The following CALU variants were observed in gnomAD, a reference collection of about 807,000 sequenced individuals.
CALU encodes IEF SSP 9302.
CALU carries 13 observed loss-of-function variants against 37.5 expected under a neutral mutation model. The observed-to-expected ratio is 0.35, with a 90% CI of 0.23 to 0.55. The LOEUF (loss-of-function observed/expected upper bound fraction) is 0.55. CALU is among the 20% of genes least tolerant of loss of function. The probability of loss-of-function intolerance (pLI) is 0.89; values close to 1 mark genes in which losing one functional copy is unlikely to be tolerated. For synonymous variants in CALU, 114 were observed against 133.8 expected, an observed-to-expected ratio of 0.85 and a Z score of 1.02; for missense variants, 282 against 391.7, an observed-to-expected ratio of 0.72 and a Z score of 2.36.
chr7:128,773,293 T>G lies in CALU; in HGVS notation c.*4126T>G, dbSNP rs1341354989. On this transcript the variant is annotated 3_prime_UTR_variant, in exon 7 of 7. Coordinates refer to ENST00000249364, the MANE Select transcript of CALU (RefSeq NM_001219.5). ...AGTTTTTATTTTTATTTTTTTAATTTTATTTAAGTTCCAGGATACATGTGC... is the reference window on the plus strand; with the variant it reads ...AGTTTTTATTTTTATTTTTTTAATTGTATTTAAGTTCCAGGATACATGTGC... Among the ~76,000 whole-genome samples the G allele has an allele frequency of 6.6e-6, 1 of 152,198 alleles. No individual in the cohort carries two copies. The highest frequency in any genetic ancestry group is 1.5e-5 in the Non-Finnish European group (1 of 68,044).
At chr7:128,758,058 C>G (rs1056867364) in intron 3 of CALU, among the ~76,000 whole-genome samples, 34 of 152,080 alleles carry the variant, frequency 2.2e-4, no homozygotes, top group African/African-American at 8.0e-4. Flanking sequence ...CATTACCCCC[C>G]CAACATTTCC....
rs747893450 is a variant in CALU, at chr7:128,758,896, T to A, written c.441T>A (p.Phe147Leu). 6.2e-7 allele frequency: 1 copy of A among 1,613,538 alleles called. No homozygotes were observed. Among genetic ancestry groups the A allele is most frequent in the South Asian group, 1.1e-5 (1 of 90,970 alleles). ...ATGATCCAGATCCTGATGATGGATTTAACTATAAACAGATGATGGTTAGAG... is the reference window on the plus strand; with the variant it reads ...ATGATCCAGATCCTGATGATGGATTAAACTATAAACAGATGATGGTTAGAG... ...VLDDPDPDDG[F>L]NYKQMMVRDE... The change falls in exon 4 of 7, where the codon TTT becomes TTA. Residue 147 changes from phenylalanine (F) to leucine (L), a missense_variant. Phe to Leu is a conservative substitution (Grantham distance 22). Transcript: ENST00000249364.
intron 3 of CALU, 135 bp from the exon 4 acceptor site, chr7:128,758,736 C>A: frequency 1.6e-6 from 1 of 642,754 alleles, no homozygotes. Flanking sequence ...CTTTGTACTG[C>A]TGCAGTTTTA....
At chr7:128,752,302 G>T (rs1434075622) in intron 2 of CALU, among the ~76,000 whole-genome samples, 3 of 152,114 alleles carry the variant, frequency 2.0e-5, no homozygotes, top group Non-Finnish European at 4.4e-5. Flanking sequence ...CAACCCCTAG[G>T]TTAAACCATT....
intron 6 of CALU, among the ~76,000 whole-genome samples, 159 bp from the exon 7 acceptor site, chr7:128,768,904 G>T (rs536646896): frequency 6.8e-6 from 1 of 146,928 alleles, no homozygotes; most frequent in Non-Finnish European, 1.5e-5. Flanking sequence ...TTCCCTCTTC[G>T]TATGTATGTA....
intron 5 of CALU, among the ~76,000 whole-genome samples, chr7:128,761,860 A>G (rs1228696688): frequency 6.6e-6 from 1 of 152,336 alleles, no homozygotes; most frequent in Middle Eastern, 3.4e-3. Flanking sequence ...ATTAAACTGT[A>G]TGGAGCAAGT....
At chr7:128,764,836 T>C (rs941765238) in intron 5 of CALU, among the ~76,000 whole-genome samples, 4 of 152,156 alleles carry the variant, frequency 2.6e-5, no homozygotes, top group African/African-American at 7.2e-5. Context: ...ATACTACTTA[T>C]CAGTCACCAC....
intron 1 of CALU, chr7:128,748,252 T>C (rs1422638636): frequency 3.0e-5 from 23 of 779,330 alleles, no homozygotes; most frequent in Non-Finnish European, 4.2e-5. Flanking sequence ...CTTTTAATTC[T>C]TATGAACTTG....
intron 6 of CALU, among the ~76,000 whole-genome samples, chr7:128,768,847 C>CAAAAAAAAAAGAAA (rs1801433814): frequency 1.8e-5 from 1 of 55,166 alleles, no homozygotes; most frequent in Non-Finnish European, 3.2e-5. Flanking sequence ...AACTCCGTCT[C>CAAAAAAAAAAGAAA]AAAAAAAAAA....
chr7:128,745,538 C>T (rs1800398629), intron 1 of CALU, among the ~76,000 whole-genome samples: 1 of 151,990 alleles, frequency 6.6e-6, no homozygotes, highest in African/African-American at 2.4e-5. Flanking sequence ...CCCAGAGGAC[C>T]AGACTGCAGT....
At chr7:128,753,076 C>A (rs921889368) in intron 2 of CALU, among the ~76,000 whole-genome samples, 1 of 152,196 alleles carries the variant, frequency 6.6e-6, no homozygotes, top group African/African-American at 2.4e-5. Flanking sequence ...TAGTTACTTA[C>A]AGGATTTAAG....
At chr7:128,764,075 T>G (rs1398786822) in intron 5 of CALU, among the ~76,000 whole-genome samples, 2 of 152,218 alleles carry the variant, frequency 1.3e-5, no homozygotes, top group African/African-American at 4.8e-5. Context: ...CATTCCCTTA[T>G]GTGTTTTAAA....
Position 128,771,428 on chromosome 7 carries a change from A to G in CALU, c.*2261A>G, listed in dbSNP as rs1175733580. 3 of 152,656 alleles carry G rather than the reference A, an allele frequency of 2.0e-5. No homozygotes were observed. Among genetic ancestry groups the G allele is most frequent in the African/African-American group, 7.2e-5 (3 of 41,456 alleles). 9.5% of individuals were successfully genotyped at this position (152,656 alleles called of 1,614,324 possible). On this transcript the variant is annotated 3_prime_UTR_variant, in exon 7 of 7. Transcript: ENST00000249364. ...TGTAAACCAAGTTTTATATTCTGCA[A>G]TGCGAACAGGTACCTATCTGTTTCT...
At position 128,772,708 on chromosome 7, in the gene CALU, T is replaced by C; in HGVS notation, c.*3541T>C. On this transcript the variant is annotated 3_prime_UTR_variant, in exon 7 of 7. Transcript: ENST00000249364. ...GATAACCTTGGCAGATGAGGAAGTA[T>C]GGGAAAAAAGACCTTATTCTCTGTA... 1 of 1,613,142 alleles carries C rather than the reference T, an allele frequency of 6.2e-7. No homozygotes were observed. Among genetic ancestry groups the C allele is most frequent in the Non-Finnish European group, 8.5e-7 (1 of 1,179,206 alleles).
chr7:128,757,667 A>G (rs1800941908), intron 3 of CALU, among the ~76,000 whole-genome samples: 1 of 152,080 alleles, frequency 6.6e-6, no homozygotes, highest in African/African-American at 2.4e-5. Flanking sequence ...ATAATTTCTT[A>G]CCATTAATGT....
intron 1 of CALU, among the ~76,000 whole-genome samples, chr7:128,744,642 A>T (rs1800364331): frequency 6.6e-6 from 1 of 152,212 alleles, no homozygotes; most frequent in South Asian, 2.1e-4. Flanking sequence ...AATAGTAAGG[A>T]AGCCAGGTTT....
intron 5 of CALU, among the ~76,000 whole-genome samples, chr7:128,766,766 T>C (rs1455319006): frequency 2.0e-5 from 3 of 152,164 alleles, no homozygotes; most frequent in Non-Finnish European, 2.9e-5. Flanking sequence ...CAGACACTAG[T>C]ATTTCTAATT....
At chr7:128,757,166 A>G (rs1800916300) in intron 3 of CALU, among the ~76,000 whole-genome samples, 1 of 152,050 alleles carries the variant, frequency 6.6e-6, no homozygotes. Context: ...GAGTCCAGTC[A>G]CCATTTTTAC....
chr7:128,748,628 C>G lies in CALU; in HGVS notation c.45C>G (p.Ala15=), dbSNP rs748749863. ...QFLMCLSLCT[A]FALSKPTEKK... is the part of the protein sequence containing the mutation. ...TTATGTGCCTGTCCCTGTGCACAGCCTTTGCCTTGAGCAAACCCACAGAAA... is the reference window on the plus strand; with the variant it reads ...TTATGTGCCTGTCCCTGTGCACAGCGTTTGCCTTGAGCAAACCCACAGAAA... Residue 15 remains alanine (A), a synonymous_variant, in exon 2 of 7, where the codon GCC becomes GCG. Transcript: ENST00000249364. The G allele has an allele frequency of 6.2e-7, 1 of 1,614,094 alleles. No individual in the cohort carries two copies. Among genetic ancestry groups the G allele is most frequent in the East Asian group, 2.2e-5 (1 of 44,880 alleles).
Sources: gnomAD v4.1 joint callset for allele counts (sites outside exome capture counted in the v4.1 genomes callset) on GRCh38, gnomAD v4.1.1 for gene constraint, MANE v1.5 for transcripts, NCBI Gene and HGNC (gene_info 2026-07-23, HGNC 2026-07-21) for gene names.